Variants in WNK2 observed in about 807,000 individuals in gnomAD.
The protein encoded by WNK2 is WNK lysine deficient protein kinase 2.
Under a neutral mutation model 192.1 loss-of-function variants are expected in WNK2, and 67 were observed. The observed-to-expected ratio is 0.35, with a 90% CI of 0.29 to 0.43. WNK2 has a LOEUF of 0.43. WNK2 is among the 20% of genes least tolerant of loss of function. The pLI, the probability that WNK2 is intolerant of heterozygous loss-of-function variation, is 1.00. For missense variants in WNK2, 2,698 were observed against 3,089.7 expected (o/e 0.87, Z 3.01); for synonymous variants, 1,439 against 1,393.9 (o/e 1.03, Z -0.72).
At chr9:93,193,107 G>A (rs1029375239) in intron 2 of WNK2, among the ~76,000 whole-genome samples, 1 of 152,208 alleles carries the variant, frequency 6.6e-6, no homozygotes, top group African/African-American at 2.4e-5. Flanking sequence ...CCGTGATGGG[G>A]CATCAGCATC....
At chr9:93,313,990 G>C (rs1854131864) in intron 28 of WNK2, among the ~76,000 whole-genome samples, 1 of 152,050 alleles carries the variant, frequency 6.6e-6, no homozygotes, top group African/African-American at 2.4e-5. Context: ...TAGCTGGGCT[G>C]CTGGGTGCAG....
At chr9:93,191,705 A>C (rs1296731255) in intron 2 of WNK2, among the ~76,000 whole-genome samples, 1 of 152,074 alleles carries the variant, frequency 6.6e-6, no homozygotes, top group Non-Finnish European at 1.5e-5. Context: ...GGTGGAGAGC[A>C]CAGGATTTAC....
rs1186807311 is a variant in WNK2, at chr9:93,297,990, C to T, written c.5846C>T (p.Thr1949Ile). 5 of 1,562,394 alleles carry T rather than the reference C, an allele frequency of 3.2e-6. No homozygotes were observed. The highest frequency in any genetic ancestry group is 3.8e-5 in the Admixed American group (2 of 52,420). The change falls in exon 24 of 30, where the codon ACC becomes ATC. Residue 1949 changes from threonine (T) to isoleucine (I), a missense_variant. By Grantham distance (89) the Thr-to-Ile change is moderately conservative. Around this residue, in one of 7 missense-constraint regions of WNK2, gnomAD observed 1,098 missense variants for 1,101.0 expected, o/e 1.00. Coordinates refer to ENST00000427277, the MANE Select transcript of WNK2 (RefSeq NM_006648.4). Reference protein sequence around the residue: ...TAPPTGRRRKTSKSKLKAGKL... With the variant: ...TAPPTGRRRKISKSKLKAGKL... The stretch of plus-strand genomic sequence containing the variant: ...CCCCCCACTGGCCGCCGGAGAAAAA[C>T]CAGCAAGAGCAAGCTGAAGGCAGGC...
At chr9:93,193,465 G>C (rs1830697836) in intron 2 of WNK2, among the ~76,000 whole-genome samples, 1 of 152,260 alleles carries the variant, frequency 6.6e-6, no homozygotes, top group African/African-American at 2.4e-5. Flanking sequence ...AGCAAGCCGA[G>C]CCAGCAGGTG....
intron 29 of WNK2, chr9:93,318,028 G>A (rs774850921): frequency 2.0e-5 from 32 of 1,612,512 alleles, no homozygotes; most frequent in Admixed American, 1.0e-4. Context: ...TCGCTCCTAG[G>A]TTCCTGTGGT....
chr9:93,186,593 G>C (rs1829382498), intron 2 of WNK2, among the ~76,000 whole-genome samples: 1 of 152,186 alleles, frequency 6.6e-6, no homozygotes, highest in Non-Finnish European at 1.5e-5. Flanking sequence ...CTGAAACGGG[G>C]CTGGGGCTAG....
At chr9:93,250,204 A>G (rs1435969149) in intron 8 of WNK2, among the ~76,000 whole-genome samples, 1 of 152,242 alleles carries the variant, frequency 6.6e-6, no homozygotes, top group South Asian at 2.1e-4. Context: ...ACATCTACAC[A>G]TGCACATACA....
At chr9:93,286,624 T>A (rs1281631980) in intron 19 of WNK2, among the ~76,000 whole-genome samples, 2 of 152,120 alleles carry the variant, frequency 1.3e-5, no homozygotes, top group Non-Finnish European at 2.9e-5. Flanking sequence ...AAAATTAAAA[T>A]AGAACTACCG....
intron 1 of WNK2, 159 bp from the exon 2 acceptor site, chr9:93,184,769 C>T (rs1229709521): frequency 3.6e-6 from 2 of 561,142 alleles, no homozygotes; most frequent in East Asian, 3.9e-5. Flanking sequence ...CCGTCTGCAG[C>T]CCCCCTTTCC....
chr9:93,268,775 C>A, intron 19 of WNK2, 29 bp downstream of exon 19: 7 of 1,601,502 alleles, frequency 4.4e-6, no homozygotes, highest in Non-Finnish European at 6.0e-6. Flanking sequence ...CACACAAGCC[C>A]CTCCCTGTTT....
intron 19 of WNK2, among the ~76,000 whole-genome samples, chr9:93,271,796 G>A (rs758132401): frequency 3.3e-5 from 5 of 152,190 alleles, no homozygotes; most frequent in African/African-American, 7.2e-5. Flanking sequence ...GGTGAAAGAC[G>A]TAAGTCTACA....
chr9:93,206,034 T>G (rs1196841634), intron 2 of WNK2, among the ~76,000 whole-genome samples: 1 of 152,162 alleles, frequency 6.6e-6, no homozygotes, highest in African/African-American at 2.4e-5. Context: ...GTGCGGAGCC[T>G]CGGGGCACAA....
rs114671754 is a variant in WNK2, at chr9:93,313,656, A to G, written c.6517-3864A>G. On this transcript the variant is annotated intron_variant, in intron 28 of 29. Coordinates refer to ENST00000427277, the MANE Select transcript of WNK2 (RefSeq NM_006648.4). ...CAAATTAAACAATTTTCATATTCTT[A>G]TATTTTCATATTCTTATCAGCCGTC... Among the ~76,000 whole-genome samples the G allele has an allele frequency of 5.4e-3, 827 of 152,252 alleles. 8 individuals carry two copies. The highest frequency in any genetic ancestry group is 0.019 in the African/African-American group (777 of 41,552).
chr9:93,270,731 C>A (rs1041915431), intron 19 of WNK2, among the ~76,000 whole-genome samples: 1 of 152,182 alleles, frequency 6.6e-6, no homozygotes, highest in Non-Finnish European at 1.5e-5. Context: ...TGCTCACCCC[C>A]CTTCTCTTGC....
At chr9:93,251,282 A>AT (rs1197964577) in intron 8 of WNK2, among the ~76,000 whole-genome samples, 2 of 151,464 alleles carry the variant, frequency 1.3e-5, no homozygotes, top group East Asian at 2.0e-4. Context: ...TGCCCAGCTG[A>AT]TTTTTTTCGT....
intron 7 of WNK2, among the ~76,000 whole-genome samples, chr9:93,244,765 C>T (rs1841393223): frequency 6.6e-6 from 1 of 152,236 alleles, no homozygotes; most frequent in Non-Finnish European, 1.5e-5. Context: ...GCCCAGGTGC[C>T]AGTGACAGGG....
At chr9:93,190,638 G>T (rs999048771) in intron 2 of WNK2, among the ~76,000 whole-genome samples, 1 of 152,234 alleles carries the variant, frequency 6.6e-6, no homozygotes, top group Admixed American at 6.5e-5. Context: ...ATGCCCTCCC[G>T]CAGCACTGGA....
intron 2 of WNK2, among the ~76,000 whole-genome samples, chr9:93,189,759 C>T (rs1277919180): frequency 4.6e-5 from 7 of 152,228 alleles, no homozygotes; most frequent in Non-Finnish European, 7.3e-5. Flanking sequence ...TCTAGGCAGG[C>T]GTTCTGCATG....
chr9:93,241,167 G>A (rs376582321), intron 7 of WNK2, among the ~76,000 whole-genome samples: 1 of 152,348 alleles, frequency 6.6e-6, no homozygotes, highest in Admixed American at 6.5e-5. Context: ...AGACAGAGAC[G>A]TCTTTGTTGT....
Sources: allele counts gnomAD v4.1 joint callset (sites outside exome capture counted in the v4.1 genomes callset), GRCh38; gene constraint gnomAD v4.1.1; regional missense constraint gnomAD v4.1.1; transcripts MANE v1.5; gene names NCBI Gene and HGNC (gene_info 2026-07-23, HGNC 2026-07-21).